Variants in LAMP1 observed in about 807,000 individuals in gnomAD.
LAMP1 encodes lysosome associated membrane protein 1.
A neutral mutation model predicts 37.5 loss-of-function variants in LAMP1; 7 were observed. That is an observed-to-expected ratio of 0.19 (90% CI 0.11 to 0.35). LAMP1 has a LOEUF of 0.35. Ranked by LOEUF, LAMP1 falls within the 10% of genes least tolerant of loss-of-function variation. The pLI is 1.00. For missense variants in LAMP1, 537 were observed against 552.8 expected (o/e 0.97, Z 0.29); for synonymous variants, 236 against 229.1 (o/e 1.03, Z -0.27).
intron 1 of LAMP1, among the ~76,000 whole-genome samples, chr13:113,300,486 C>CAAA (rs781688099): frequency 5.0e-5 from 3 of 60,238 alleles, no homozygotes; most frequent in Admixed American, 2.0e-4. Flanking sequence ...AACTCAATGT[C>CAAA]AAAAAAAAAA....
intron 8 of LAMP1, chr13:113,322,079 A>G: frequency 1.7e-6 from 1 of 605,292 alleles, no homozygotes; most frequent in Non-Finnish European, 2.9e-6. Flanking sequence ...CAGACGGGGG[A>G]GAGACGTGTG....
chr13:113,313,191 G>A (rs565843513), intron 4 of LAMP1, among the ~76,000 whole-genome samples: 2 of 152,298 alleles, frequency 1.3e-5, no homozygotes, highest in East Asian at 3.9e-4. Flanking sequence ...GCTGCTAGGT[G>A]GAGGTCAGCA....
Position 113,319,736 on chromosome 13 carries a change from C to T in LAMP1, c.750+80C>T, listed in dbSNP as rs143656034. The T allele has an allele frequency of 2.7e-4, 346 of 1,273,220 alleles. 3 individuals are homozygous for T. The East Asian group carries it at 6.7e-3, about 25-fold the overall frequency. 78.9% of individuals were successfully genotyped at this position (1,273,220 alleles called of 1,614,324 possible). On this transcript the variant is annotated intron_variant, in intron 5 of 8. Coordinates refer to ENST00000332556, the MANE Select transcript of LAMP1 (RefSeq NM_005561.4). ...CTGCTCCCTGTGCACTGAGAACACG[C>T]GTCTCTGCACGTCATGCTGTTAAGT...
chr13:113,300,577 C>T (rs910680834), intron 1 of LAMP1, among the ~76,000 whole-genome samples: 3 of 151,796 alleles, frequency 2.0e-5, no homozygotes, highest in African/African-American at 7.3e-5. Flanking sequence ...GAGGCTGAGG[C>T]AGGCCGATCA....
intron 2 of LAMP1, among the ~76,000 whole-genome samples, chr13:113,306,926 G>A (rs1226719328): frequency 2.4e-5 from 3 of 125,662 alleles, no homozygotes; most frequent in Admixed American, 2.1e-4. Context: ...TGCAAGCTCC[G>A]CCTCCTGGGT....
At chr13:113,299,913 T>C (rs1257749103) in intron 1 of LAMP1, among the ~76,000 whole-genome samples, 1 of 152,104 alleles carries the variant, frequency 6.6e-6, no homozygotes, top group Non-Finnish European at 1.5e-5. Flanking sequence ...TTTAAAGATA[T>C]TTAAAATGTT....
chr13:113,318,814 C>A (rs1472270844), intron 4 of LAMP1, among the ~76,000 whole-genome samples: 1 of 152,148 alleles, frequency 6.6e-6, no homozygotes, highest in African/African-American at 2.4e-5. Context: ...CAAATGAAGA[C>A]CCAACACAGC....
At chr13:113,312,886 C>T (rs1263233387) in intron 4 of LAMP1, among the ~76,000 whole-genome samples, 3 of 152,098 alleles carry the variant, frequency 2.0e-5, no homozygotes, top group African/African-American at 4.8e-5. Context: ...TGGGAGTTAG[C>T]GTAACACATG....
At chr13:113,318,951 T>C (rs950828598) in intron 4 of LAMP1, among the ~76,000 whole-genome samples, 1 of 152,214 alleles carries the variant, frequency 6.6e-6, no homozygotes, top group Non-Finnish European at 1.5e-5. Context: ...CTGTGTGTGC[T>C]GCAGACCCTC....
At chr13:113,301,628 A>T (rs1289436254) in intron 1 of LAMP1, among the ~76,000 whole-genome samples, 3 of 1,824 alleles carry the variant, frequency 1.6e-3, no homozygotes, top group Non-Finnish European at 3.0e-3. Context: ...GTTTCCATTT[A>T]AAAAAAAAAA....
At chr13:113,300,599 G>A (rs922553926) in intron 1 of LAMP1, among the ~76,000 whole-genome samples, 4 of 151,904 alleles carry the variant, frequency 2.6e-5, no homozygotes, top group African/African-American at 7.3e-5. Flanking sequence ...TAGGTCAAGA[G>A]ATCGAGACCA....
chr13:113,322,507 T>A lies in LAMP1; in HGVS notation c.*86T>A. 6 of 1,319,692 alleles carry A rather than the reference T, an allele frequency of 4.5e-6. No individual in the cohort carries two copies. Among genetic ancestry groups the A allele is most frequent in the Non-Finnish European group, 6.2e-6 (6 of 969,004 alleles). 81.7% of individuals were successfully genotyped at this position (1,319,692 alleles called of 1,614,324 possible). On this transcript the variant is annotated 3_prime_UTR_variant, in exon 9 of 9. Coordinates refer to ENST00000332556, the MANE Select transcript of LAMP1 (RefSeq NM_005561.4). ...CCTGTCGAAGGGGAGGCACACTTTC[T>A]GGCAAACGTTTCTCAAATCTGCTTC...
At chr13:113,299,789 G>A (rs1418306661) in intron 1 of LAMP1, among the ~76,000 whole-genome samples, 4 of 150,522 alleles carry the variant, frequency 2.7e-5, no homozygotes, top group Non-Finnish European at 4.4e-5. Context: ...GGCTGGTCTC[G>A]AACTGACCTC....
chr13:113,311,085 A>G (rs2042628774), intron 4 of LAMP1, among the ~76,000 whole-genome samples: 2 of 152,026 alleles, frequency 1.3e-5, no homozygotes, highest in Admixed American at 1.3e-4. Context: ...AGGGTGGAAT[A>G]TTGAAGTGAA....
At position 113,322,593 on chromosome 13, in the gene LAMP1, A is replaced by G. The variant is rs2042709005; in HGVS notation, c.*172A>G. 3.9e-6 allele frequency: 2 copies of G among 518,956 alleles called. No homozygotes were observed. The highest frequency in any genetic ancestry group is 6.4e-6 in the Non-Finnish European group (2 of 314,420). The allele number at this position is 518,956 out of a possible 1,614,324, so 32.1% of individuals were successfully genotyped here. ...GCACAACAGAGTAACTATCGAAATG[A>G]CGGTGTTAATTTTGCTAACTGGGTT... On this transcript the variant is annotated 3_prime_UTR_variant, in exon 9 of 9. Transcript: ENST00000332556.
chr13:113,317,596 A>G (rs2042673394), intron 4 of LAMP1, among the ~76,000 whole-genome samples: 2 of 152,082 alleles, frequency 1.3e-5, no homozygotes, highest in South Asian at 4.1e-4. Context: ...TCGTGTGGCC[A>G]TCTAGACTAG....
rs528276083 is a variant in LAMP1 at position 113,309,795 on chromosome 13, C to T, written c.336C>T (p.Ser112=). ...LNFTRNATRY[S]VQLMSFVYNL... is the part of the protein sequence containing the mutation. Reference sequence around the variant, plus strand: ...TCACGAGAAATGCAACACGTTACAGCGTCCAGCTCATGAGTTTTGTTTATA... The same window carrying T: ...TCACGAGAAATGCAACACGTTACAGTGTCCAGCTCATGAGTTTTGTTTATA... The change falls in exon 3 of 9, where the codon AGC becomes AGT. Residue 112 remains serine (S), a synonymous_variant. Coordinates refer to ENST00000332556, the MANE Select transcript of LAMP1 (RefSeq NM_005561.4). The T allele has an allele frequency of 1.2e-4, 193 of 1,614,124 alleles. No individual in the cohort carries two copies. The highest frequency in any genetic ancestry group is 1.7e-4 in the Middle Eastern group (1 of 5,982).
rs1412123150 is a variant in LAMP1, at chr13:113,303,459, CCTGTTGGGCTGTG to C, written c.62-3025_62-3013del. Among the ~76,000 whole-genome samples, 8 of 152,104 alleles carry C rather than the reference CCTGTTGGGCTGTG, an allele frequency of 5.3e-5. No homozygotes were observed. In the East Asian group the frequency reaches 1.5e-3, roughly 29 times the overall value. ...CCTTGGAGATGCTGCCAACGGCTGT[CCTGTTGGGCTGTG>C]ACACCTGTCAGGTTACTGGAAACAT... is the stretch of plus-strand genomic sequence containing the variant. On this transcript the variant is annotated intron_variant, in intron 1 of 8. Transcript: ENST00000332556.
intron 1 of LAMP1, chr13:113,305,197 G>A (rs2042592243): frequency 6.6e-6 from 1 of 152,218 alleles, no homozygotes. Flanking sequence ...CCCTCACAGT[G>A]TGCCTGAGTT....
Sources: allele counts gnomAD v4.1 joint callset (sites outside exome capture counted in the v4.1 genomes callset), GRCh38; gene constraint gnomAD v4.1.1; transcripts MANE v1.5; gene names NCBI Gene and HGNC (gene_info 2026-07-23, HGNC 2026-07-21).